The following C2CD5 variants were observed in gnomAD, a reference collection of about 807,000 sequenced individuals.
The protein encoded by C2CD5 is C2 calcium dependent domain containing 5.
A neutral mutation model predicts 130.3 loss-of-function variants in C2CD5; 109 were observed. That is an observed-to-expected ratio of 0.84 (90% CI 0.72 to 0.98). The LOEUF (loss-of-function observed/expected upper bound fraction) is 0.98, where lower values mean the gene tolerates loss of function less well. Among genes scored for constraint, C2CD5 ranks in the 50% least tolerant of loss-of-function variants. The probability of loss-of-function intolerance (pLI) is 0.00; values close to 1 mark genes in which losing one functional copy is unlikely to be tolerated. For synonymous variants in C2CD5, 454 were observed against 429.2 expected, an observed-to-expected ratio of 1.06 and a Z score of -0.71; for missense variants, 996 against 1,261.8, an observed-to-expected ratio of 0.79 and a Z score of 3.19.
At chr12:22,498,733 C>G (rs186507084) in intron 10 of C2CD5, among the ~76,000 whole-genome samples, 2 of 151,842 alleles carry the variant, frequency 1.3e-5, no homozygotes, top group South Asian at 2.1e-4. Context: ...GTTTAAAAAC[C>G]CTTTTAAAAA....
rs549107425 is a variant in C2CD5 at position 22,535,090 on chromosome 12, T to C, written c.177+168A>G. On this transcript the variant is annotated intron_variant, in intron 3 of 26. Transcript: ENST00000446597. ...TTATCATATACTGTATTTTCTTAAA[T>C]GTAATACAACTTTTTTTAGACTCAA... The C allele has an allele frequency of 1.7e-4, 99 of 594,446 alleles. 1 individual carries two copies. In the Middle Eastern group the frequency reaches 4.6e-3, roughly 28 times the overall value. The allele number at this position is 594,446 out of a possible 1,614,324, so 36.8% of individuals were successfully genotyped here. A position where few individuals can be genotyped will look rare whatever the true frequency, so the allele number is the denominator to read the frequency against.
At chr12:22,489,568 G>C (rs961285305) in intron 12 of C2CD5, among the ~76,000 whole-genome samples, 1 of 151,976 alleles carries the variant, frequency 6.6e-6, no homozygotes, top group African/African-American at 2.4e-5. Flanking sequence ...AATGTGCATA[G>C]GTTACATGCA....
At chr12:22,532,535 T>A (rs1951392855) in intron 3 of C2CD5, among the ~76,000 whole-genome samples, 1 of 152,128 alleles carries the variant, frequency 6.6e-6, no homozygotes, top group Non-Finnish European at 1.5e-5. Flanking sequence ...TGTTTTCTCT[T>A]AATCCAGACC....
intron 26 of C2CD5, among the ~76,000 whole-genome samples, chr12:22,452,649 A>G (rs1938944889): frequency 6.6e-6 from 1 of 152,356 alleles, no homozygotes; most frequent in African/African-American, 2.4e-5. Context: ...TTTCTTCAAC[A>G]TGTTAATGAA....
chr12:22,504,900 G>A (rs1948284171), intron 10 of C2CD5, among the ~76,000 whole-genome samples: 1 of 151,876 alleles, frequency 6.6e-6, no homozygotes, highest in African/African-American at 2.4e-5. Context: ...CTTAAGTACT[G>A]TACACAAATA....
chr12:22,538,283 TAC>T (rs368293968), intron 2 of C2CD5, among the ~76,000 whole-genome samples: 17 of 152,328 alleles, frequency 1.1e-4, no homozygotes, highest in African/African-American at 3.6e-4. Flanking sequence ...CTCTATTTTT[TAC>T]AGTCTTTTCT....
rs1483926121 is a variant in C2CD5 at position 22,469,729 on chromosome 12, TGAG to T, written c.2510_2512del (p.Ser837_His838delinsTyr). 1 of 1,603,580 alleles carries T rather than the reference TGAG, an allele frequency of 6.2e-7. No homozygotes were observed. The highest frequency in any genetic ancestry group is 8.5e-7 in the Non-Finnish European group (1 of 1,174,948). On this transcript the variant is annotated inframe_deletion, in exon 22 of 27. Coordinates refer to ENST00000446597, the MANE Select transcript of C2CD5 (RefSeq NM_001286176.2). ...CCAACCTTTAGCTGGTGGAAAAGGATGAGAAGGAAGTGAATCTGAACACAGTTC... is the reference window on the plus strand; with the variant it reads ...CCAACCTTTAGCTGGTGGAAAAGGATAAGGAAGTGAATCTGAACACAGTTC...
At chr12:22,494,705 A>C (rs1946789643) in intron 10 of C2CD5, among the ~76,000 whole-genome samples, 1 of 152,124 alleles carries the variant, frequency 6.6e-6, no homozygotes, top group Non-Finnish European at 1.5e-5. Flanking sequence ...TCAAAGTAGA[A>C]GATAAAATAA....
chr12:22,507,898 T>C (rs1302992642), intron 9 of C2CD5, among the ~76,000 whole-genome samples: 3 of 152,254 alleles, frequency 2.0e-5, no homozygotes, highest in Non-Finnish European at 4.4e-5. Flanking sequence ...ATATTCATAC[T>C]ATATTATAGT....
chr12:22,462,994 G>A (rs1169682403), intron 22 of C2CD5, among the ~76,000 whole-genome samples: 3 of 152,180 alleles, frequency 2.0e-5, no homozygotes, highest in Non-Finnish European at 2.9e-5. Context: ...TGAGGCGGGA[G>A]GATCGCTTGA....
chr12:22,492,049 A>G (rs552868821), intron 11 of C2CD5, among the ~76,000 whole-genome samples: 1 of 152,314 alleles, frequency 6.6e-6, no homozygotes, highest in South Asian at 2.1e-4. Context: ...CTAGGAGTAT[A>G]ACACATGATC....
rs572281822 is a variant in C2CD5, at chr12:22,493,838, G to A, written c.1148-501C>T. ...TTAAAAGAGAGAAAGCCATCTGTAA[G>A]CCATCCTTCTACAGAGATGTGGGTC... On this transcript the variant is annotated intron_variant, in intron 10 of 26. Transcript: ENST00000446597. 5.3e-5 allele frequency among the ~76,000 whole-genome samples: 8 copies of A among 151,770 alleles called. No individual in the cohort carries two copies. In the South Asian group the frequency reaches 1.5e-3, roughly 28 times the overall value.
intron 10 of C2CD5, among the ~76,000 whole-genome samples, chr12:22,501,553 T>C (rs904430660): frequency 6.6e-6 from 1 of 152,194 alleles, no homozygotes; most frequent in African/African-American, 2.4e-5. Context: ...CCTAGGAAAG[T>C]ATTTTTCAAT....
chr12:22,477,903 C>T (rs1272143527), intron 15 of C2CD5: 1 of 162,378 alleles, frequency 6.2e-6, no homozygotes, highest in African/African-American at 2.4e-5. Context: ...TCAACAAATA[C>T]TAAGAGACTA....
intron 16 of C2CD5, among the ~76,000 whole-genome samples, chr12:22,473,552 C>T (rs564564389): frequency 7.9e-5 from 12 of 152,264 alleles, no homozygotes; most frequent in South Asian, 4.1e-4. Context: ...TTCCACTTGC[C>T]CTCTGTCCTC....
intron 2 of C2CD5, among the ~76,000 whole-genome samples, chr12:22,543,188 G>T (rs1227891235): frequency 2.0e-5 from 3 of 152,332 alleles, no homozygotes; most frequent in Middle Eastern, 3.4e-3. Context: ...TAGCCCAAAT[G>T]ATTGCTGCTC....
chr12:22,465,583 TGAG>T (rs998124121), intron 22 of C2CD5, among the ~76,000 whole-genome samples: 2 of 152,096 alleles, frequency 1.3e-5, no homozygotes, highest in Non-Finnish European at 2.9e-5. Flanking sequence ...CTGAAATCTA[TGAG>T]AAGAATCTCG....
chr12:22,471,910 A>G, intron 19 of C2CD5, 57 bp downstream of exon 19: 1 of 935,110 alleles, frequency 1.1e-6, no homozygotes, highest in Non-Finnish European at 1.8e-6. Flanking sequence ...CAATATAGAC[A>G]CTTAAAATTT....
intron 3 of C2CD5, among the ~76,000 whole-genome samples, chr12:22,530,111 T>TATACATACAC (rs1301636778): frequency 1.1e-5 from 1 of 87,554 alleles, no homozygotes; most frequent in Non-Finnish European, 2.0e-5. Context: ...TATATATATA[T>TATACATACAC]ACACACACAC....
Sources: allele counts gnomAD v4.1 joint callset (sites outside exome capture counted in the v4.1 genomes callset), GRCh38; gene constraint gnomAD v4.1.1; transcripts MANE v1.5; gene names NCBI Gene and HGNC (gene_info 2026-07-23, HGNC 2026-07-21).